The following CCDC18 variants were observed in gnomAD, a reference collection of about 807,000 sequenced individuals.
CCDC18 encodes coiled-coil domain containing 18, also known as coiled-coil domain-containing protein 18.
In CCDC18, 157 loss-of-function variants were observed where a neutral mutation model predicts 196.0. The ratio of observed to expected loss-of-function variants is 0.80; its 90% CI spans 0.70 to 0.91. CCDC18 has a LOEUF of 0.91. Ranked by LOEUF, CCDC18 falls within the 40% of genes least tolerant of loss-of-function variation. The pLI, the probability that CCDC18 is intolerant of heterozygous loss-of-function variation, is 0.00. For synonymous variants in CCDC18, 482 were observed against 529.2 expected (o/e 0.91, Z 1.22); for missense variants, 1,465 against 1,611.6 (o/e 0.91, Z 1.56).
chr1:93,261,581 G>GTAT (rs1663797049), intron 26 of CCDC18, among the ~76,000 whole-genome samples: 1 of 151,982 alleles, frequency 6.6e-6, no homozygotes, highest in Non-Finnish European at 1.5e-5. Flanking sequence ...GATTCTAAAT[G>GTAT]TATTTAAGCA....
chr1:93,215,649 A>G (rs1216885477), intron 12 of CCDC18, among the ~76,000 whole-genome samples: 1 of 151,666 alleles, frequency 6.6e-6, no homozygotes, highest in African/African-American at 2.4e-5. Flanking sequence ...ATTTGTAGAG[A>G]CAGTCGCTGT....
intron 26 of CCDC18, among the ~76,000 whole-genome samples, chr1:93,263,612 T>C (rs1664104819): frequency 6.6e-6 from 1 of 152,226 alleles, no homozygotes; most frequent in African/African-American, 2.4e-5. Flanking sequence ...TTGCACTTCA[T>C]TGTCCATATC....
chr1:93,184,247 A>C (rs1484724189), intron 3 of CCDC18, 101 bp downstream of exon 3: 4 of 449,218 alleles, frequency 8.9e-6, no homozygotes, highest in African/African-American at 2.0e-5. Context: ...TAAAGAAAAA[A>C]ATTTTTTCTT....
chr1:93,255,231 G>A (rs919130664), intron 24 of CCDC18, among the ~76,000 whole-genome samples: 43 of 152,012 alleles, frequency 2.8e-4, no homozygotes, highest in African/African-American at 6.5e-4. Context: ...GATTACAGGC[G>A]TGAGCTACCG....
At chr1:93,180,278 AG>A (rs1420801830), upstream of CCDC18, 1 of 1,581,354 alleles carries the variant, frequency 6.3e-7, no homozygotes, top group Non-Finnish European at 8.6e-7. Context: ...AAGAGGCGTC[AG>A]GTACTGTTGT....
intron 27 of CCDC18, among the ~76,000 whole-genome samples, chr1:93,269,195 A>T (rs1023049108): frequency 2.7e-5 from 4 of 147,188 alleles, no homozygotes; most frequent in African/African-American, 7.5e-5. Context: ...CAAACACCGC[A>T]TGTTCTCACT....
upstream of CCDC18, chr1:93,180,214 G>C: frequency 1.9e-6 from 3 of 1,612,682 alleles, no homozygotes; most frequent in Non-Finnish European, 2.5e-6. Context: ...AAGGAGCACG[G>C]GGAAGGGCAG....
At chr1:93,258,693 TATA>T in intron 25 of CCDC18, 52 bp from the exon 26 acceptor site, 1 of 1,415,774 alleles carries the variant, frequency 7.1e-7, no homozygotes, top group Non-Finnish European at 9.4e-7. Context: ...TTAGTTTAGC[TATA>T]ATAACCAAAT....
At chr1:93,261,482 A>T (rs1663783935) in intron 26 of CCDC18, among the ~76,000 whole-genome samples, 1 of 152,188 alleles carries the variant, frequency 6.6e-6, no homozygotes, top group African/African-American at 2.4e-5. Flanking sequence ...TGAGGGTACC[A>T]GGCATAAAAC....
chr1:93,188,623 T>G (rs1191892980), intron 4 of CCDC18, among the ~76,000 whole-genome samples: 1 of 152,230 alleles, frequency 6.6e-6, no homozygotes, highest in Non-Finnish European at 1.5e-5. Context: ...GAATTACTTT[T>G]TAGCATGTAA....
chr1:93,186,339 T>C lies in CCDC18; in HGVS notation c.304-6T>C. 6.2e-7 allele frequency: 1 copy of C among 1,608,454 alleles called. No homozygotes were observed. The highest frequency in any genetic ancestry group is 8.5e-7 in the Non-Finnish European group (1 of 1,177,248). On this transcript the variant is annotated splice_region_variant and splice_polypyrimidine_tract_variant and intron_variant, in intron 3 of 28. Transcript: ENST00000690025. ...AAAATATATTTGTTCTTTTTCATTC[T>C]TTCAGATGTTTTCATCTTCTGCCCC...
chr1:93,254,687 C>T (rs1019931145), intron 24 of CCDC18, 73 bp downstream of exon 24: 14 of 1,428,748 alleles, frequency 9.8e-6, no homozygotes, highest in Non-Finnish European at 1.4e-5. Flanking sequence ...ATGTTTTAAA[C>T]TGGTTGGTTT....
intron 6 of CCDC18, among the ~76,000 whole-genome samples, chr1:93,201,154 A>G (rs538980462): frequency 1.1e-4 from 16 of 152,334 alleles, no homozygotes; most frequent in Middle Eastern, 3.4e-3. Flanking sequence ...TGAAGGGTTA[A>G]GAGTTAAGAT....
Position 93,250,160 on chromosome 1 carries a change from T to A in CCDC18, c.3198+3206T>A, listed in dbSNP as rs149388909. Among the ~76,000 whole-genome samples, 707 of 151,836 alleles carry A rather than the reference T, an allele frequency of 4.7e-3. 9 individuals are homozygous for A. Among genetic ancestry groups the A allele is most frequent in the African/African-American group, 0.016 (668 of 41,472 alleles). On this transcript the variant is annotated intron_variant, in intron 23 of 28. Coordinates refer to ENST00000690025, the MANE Select transcript of CCDC18 (RefSeq NM_001378204.1). Reference sequence around the variant, plus strand: ...ACATATTTATGTATTCTGGATAATATTCCATGTGCAGATAAGAATGTGAGC... The same window carrying A: ...ACATATTTATGTATTCTGGATAATAATCCATGTGCAGATAAGAATGTGAGC...
chr1:93,197,751 T>C (rs1468357011), intron 6 of CCDC18, among the ~76,000 whole-genome samples: 11 of 132,918 alleles, frequency 8.3e-5, no homozygotes, highest in South Asian at 2.6e-4. Flanking sequence ...TTTTCTTTTT[T>C]TTTTTTTTTT....
chr1:93,186,574 T>C (rs991512916), intron 4 of CCDC18, 71 bp downstream of exon 4: 6 of 1,258,404 alleles, frequency 4.8e-6, no homozygotes, highest in Non-Finnish European at 6.7e-6. Flanking sequence ...GGAAAAATAT[T>C]CCTTGTATTG....
chr1:93,259,990 A>G (rs868079119), intron 26 of CCDC18, among the ~76,000 whole-genome samples: 1 of 152,228 alleles, frequency 6.6e-6, no homozygotes, highest in African/African-American at 2.4e-5. Flanking sequence ...CAGTATTGCT[A>G]TCTTTTTAAA....
At chr1:93,271,344 T>G (rs1665242060) in intron 28 of CCDC18, 1 of 984,638 alleles carries the variant, frequency 1.0e-6, no homozygotes, top group Non-Finnish European at 1.2e-6. Context: ...AATATTTATA[T>G]TCATCTTTCC....
intron 17 of CCDC18, among the ~76,000 whole-genome samples, chr1:93,227,692 G>A (rs981968386): frequency 2.6e-5 from 4 of 151,706 alleles, no homozygotes; most frequent in African/African-American, 9.7e-5. Flanking sequence ...TGTTGCTCAC[G>A]CCTATAAGCC....
Sources: gnomAD v4.1 joint callset for allele counts (sites outside exome capture counted in the v4.1 genomes callset) on GRCh38, gnomAD v4.1.1 for gene constraint, MANE v1.5 for transcripts, NCBI Gene and HGNC (gene_info 2026-07-23, HGNC 2026-07-21) for gene names.